Variants in PDS5B observed in about 807,000 individuals in gnomAD.
PDS5B encodes the protein sister chromatid cohesion protein PDS5 homolog B.
In PDS5B, 51 loss-of-function variants were observed where a neutral mutation model predicts 184.1. That is an observed-to-expected ratio of 0.28 (90% CI 0.22 to 0.35). The LOEUF is 0.35. Among genes scored for constraint, PDS5B ranks in the 10% least tolerant of loss-of-function variants. The pLI, the probability that PDS5B is intolerant of heterozygous loss-of-function variation, is 1.00. For missense variants in PDS5B, 1,180 were observed against 1,723.3 expected (o/e 0.68, Z 5.58); for synonymous variants, 566 against 569.2 (o/e 0.99, Z 0.08).
intron 30 of PDS5B, chr13:32,763,638 TGTATCCTGGGC>T: frequency 6.6e-6 from 1 of 152,136 alleles, no homozygotes. Flanking sequence ...GATTTAAGGG[TGTATCCTGGGC>T]TTTTTACCTG....
At chr13:32,726,164 A>G (rs959373521) in intron 19 of PDS5B, among the ~76,000 whole-genome samples, 3 of 132,942 alleles carry the variant, frequency 2.3e-5, no homozygotes, top group African/African-American at 8.3e-5. Context: ...AAAAAAAAAA[A>G]AGCCCCCTTC....
At chr13:32,590,898 C>CT (rs1286219701) in intron 1 of PDS5B, among the ~76,000 whole-genome samples, 54 of 150,492 alleles carry the variant, frequency 3.6e-4, no homozygotes, top group African/African-American at 1.0e-3. Flanking sequence ...CTTAAGTACT[C>CT]TATTAGGGGA....
At position 32,758,703 on chromosome 13, in the gene PDS5B, A is replaced by G. The variant is rs544203598; in HGVS notation, c.3309+50A>G. ...GTAAGTTGAAATAAAATGTATTCTC[A>G]GCACTGGATTGTAGGAAGATCAGGA... On this transcript the variant is annotated intron_variant, in intron 28 of 34. Transcript: ENST00000315596. 121 of 1,575,484 alleles carry G rather than the reference A, an allele frequency of 7.7e-5. 2 individuals carry two copies. The South Asian group carries it at 1.3e-3, about 16-fold the overall frequency.
At chr13:32,624,578 A>G (rs1371410655) in intron 1 of PDS5B, among the ~76,000 whole-genome samples, 1 of 152,134 alleles carries the variant, frequency 6.6e-6, no homozygotes, top group African/African-American at 2.4e-5. Flanking sequence ...TGAGGTTATA[A>G]TATCTGAATT....
intron 33 of PDS5B, chr13:32,771,024 A>G: frequency 3.0e-6 from 1 of 329,388 alleles, no homozygotes; most frequent in East Asian, 5.4e-5. Flanking sequence ...ATCTAAAGAA[A>G]TCATAAGGTA....
chr13:32,769,087 C>T (rs1954689448), intron 31 of PDS5B, among the ~76,000 whole-genome samples: 1 of 151,854 alleles, frequency 6.6e-6, no homozygotes, highest in Non-Finnish European at 1.5e-5. Flanking sequence ...GGTGCCACTG[C>T]ACTCCAGCCT....
intron 15 of PDS5B, among the ~76,000 whole-genome samples, chr13:32,697,658 C>T (rs1204136800): frequency 6.6e-6 from 1 of 152,108 alleles, no homozygotes; most frequent in Non-Finnish European, 1.5e-5. Flanking sequence ...ACTTTCCAGT[C>T]CCCTGGGTAA....
chr13:32,643,770 T>C (rs769709558), intron 1 of PDS5B, among the ~76,000 whole-genome samples: 9 of 152,144 alleles, frequency 5.9e-5, no homozygotes, highest in Non-Finnish European at 1.5e-5. Context: ...CTGTTCCATT[T>C]AGGTTTGTGT....
At chr13:32,605,603 G>A (rs1270927641) in intron 1 of PDS5B, among the ~76,000 whole-genome samples, 5 of 152,066 alleles carry the variant, frequency 3.3e-5, no homozygotes, top group Non-Finnish European at 7.4e-5. Context: ...TGGTGCAGAG[G>A]TTAGTTCAAG....
At chr13:32,773,086 GTAA>G in intron 33 of PDS5B, 100 bp from the exon 34 acceptor site, 1 of 930,302 alleles carries the variant, frequency 1.1e-6, no homozygotes, top group South Asian at 1.9e-5. Context: ...GTAACTGAGG[GTAA>G]AGATGATATG....
At chr13:32,628,570 A>G (rs1359794976) in intron 1 of PDS5B, among the ~76,000 whole-genome samples, 2 of 146,684 alleles carry the variant, frequency 1.4e-5, no homozygotes. Context: ...AAAAAAAATT[A>G]TGCTCTATAC....
At chr13:32,717,918 A>C (rs1316035692) in intron 19 of PDS5B, among the ~76,000 whole-genome samples, 1 of 145,286 alleles carries the variant, frequency 6.9e-6, no homozygotes, top group Non-Finnish European at 1.5e-5. Context: ...CCCAAAAAAA[A>C]ACGCTAAGAC....
intron 6 of PDS5B, among the ~76,000 whole-genome samples, chr13:32,660,848 T>C (rs909773189): frequency 1.3e-5 from 2 of 152,202 alleles, no homozygotes; most frequent in African/African-American, 2.4e-5. Context: ...CAAGTACTTA[T>C]AGATTCAATC....
In PDS5B at chr13:32,669,740, T is replaced by C. The variant is rs61946427; in HGVS notation, c.705+1896T>C. Among the ~76,000 whole-genome samples the C allele has an allele frequency of 3.5e-3, 536 of 152,288 alleles. 4 individuals are homozygous for C. Among genetic ancestry groups the C allele is most frequent in the Non-Finnish European group, 6.6e-3 (446 of 68,020 alleles). On this transcript the variant is annotated intron_variant, in intron 7 of 34. Coordinates refer to ENST00000315596, the MANE Select transcript of PDS5B (RefSeq NM_015032.4). ...GGGGCCAGAGTGTTCTGAGTACACA[T>C]TGAATTATATACTTTGTCTCAGTAC...
intron 2 of PDS5B, 155 bp downstream of exon 2, chr13:32,649,035 G>C: frequency 1.7e-6 from 1 of 573,086 alleles, no homozygotes; most frequent in South Asian, 2.0e-5. Flanking sequence ...GAGTATATAA[G>C]GTACAGTGGG....
intron 21 of PDS5B, among the ~76,000 whole-genome samples, chr13:32,738,466 A>G (rs1293495624): frequency 6.6e-6 from 1 of 152,154 alleles, no homozygotes; most frequent in Non-Finnish European, 1.5e-5. Flanking sequence ...TCTAGTCACC[A>G]TTCATGTTGC....
rs887332204 is a variant in PDS5B at position 32,652,186 on chromosome 13, G to C, written c.312+179G>C. The C allele has an allele frequency of 7.3e-6, 4 of 544,474 alleles. No homozygotes were observed. The African/African-American group carries it at 7.8e-5, about 11-fold the overall frequency. 33.7% of individuals were successfully genotyped at this position (544,474 alleles called of 1,614,324 possible). A position where few individuals can be genotyped will look rare whatever the true frequency, so the allele number is the denominator to read the frequency against. The stretch of plus-strand genomic sequence containing the variant: ...AGAACTTATTTTTGAAAAACTTTCT[G>C]GTCTTGAGGTTAAGAAGTAGATTAA... On this transcript the variant is annotated intron_variant, in intron 3 of 34. Coordinates refer to ENST00000315596, the MANE Select transcript of PDS5B (RefSeq NM_015032.4).
intron 21 of PDS5B, among the ~76,000 whole-genome samples, chr13:32,738,624 TCTTTTCACTC>T (rs1415287962): frequency 6.6e-6 from 1 of 152,220 alleles, no homozygotes. Flanking sequence ...TTTATGTGTG[TCTTTTCACTC>T]CTTTATTGTG....
At chr13:32,706,310 A>G (rs1485117101) in intron 17 of PDS5B, among the ~76,000 whole-genome samples, 1 of 151,128 alleles carries the variant, frequency 6.6e-6, no homozygotes, top group Non-Finnish European at 1.5e-5. Flanking sequence ...AAATAAATAA[A>G]TAAATAAATA....
Sources: allele counts gnomAD v4.1 joint callset (sites outside exome capture counted in the v4.1 genomes callset), GRCh38; gene constraint gnomAD v4.1.1; transcripts MANE v1.5; gene names NCBI Gene and HGNC (gene_info 2026-07-23, HGNC 2026-07-21).